Variants in CCDC27 observed in about 807,000 individuals in gnomAD.
CCDC27 encodes coiled-coil domain containing 27, also known as coiled-coil domain-containing protein 27.
Under a neutral mutation model 80.3 loss-of-function variants are expected in CCDC27, and 80 were observed. The observed-to-expected ratio is 1.00, with a 90% confidence interval of 0.83 to 1.20. CCDC27 has a LOEUF of 1.20. Ranked by LOEUF, CCDC27 falls within the 50% of genes most tolerant of loss-of-function variation. The pLI is 0.00. For synonymous variants in CCDC27, 342 were observed against 334.3 expected (o/e 1.02, Z -0.25); for missense variants, 815 against 809.4 (o/e 1.01, Z -0.08).
rs535724840 is a variant in CCDC27 at position 3,761,868 on chromosome 1, C to T, written c.861+438C>T. 5.3e-4 allele frequency among the ~76,000 whole-genome samples: 81 copies of T among 152,126 alleles called. No individual in the cohort carries two copies. In the Middle Eastern group the frequency reaches 0.017, roughly 32 times the overall value. ...CTGCAGGCGGATTCCCCGGGCCTGGCTCTGTGCATCATCTGCAGTGGTAGC... is the reference window on the plus strand; with the variant it reads ...CTGCAGGCGGATTCCCCGGGCCTGGTTCTGTGCATCATCTGCAGTGGTAGC... On this transcript the variant is annotated intron_variant, in intron 5 of 11. Coordinates refer to ENST00000294600, the MANE Select transcript of CCDC27 (RefSeq NM_152492.3). This position sits in a 1 kb window ranked among gnomAD's most constrained non-coding sequence, Gnocchi z 5.0.
At chr1:3,754,634 C>T (rs1018123047) in intron 2 of CCDC27, among the ~76,000 whole-genome samples, 5 of 152,196 alleles carry the variant, frequency 3.3e-5, no homozygotes, top group South Asian at 2.1e-4. Flanking sequence ...AGCAGCTATC[C>T]GGTCCAAACC....
intron 11 of CCDC27, among the ~76,000 whole-genome samples, chr1:3,770,193 C>T (rs902537352): frequency 6.6e-6 from 1 of 152,186 alleles, no homozygotes; most frequent in Non-Finnish European, 1.5e-5. Context: ...ACAAGCCGCT[C>T]AGGGCACGAA....
intron 11 of CCDC27, among the ~76,000 whole-genome samples, chr1:3,770,200 C>T (rs1392298737): frequency 1.3e-5 from 2 of 152,158 alleles, no homozygotes; most frequent in East Asian, 1.9e-4. Context: ...GCTCAGGGCA[C>T]GAAGATTCTC....
chr1:3,754,861 AG>A (rs1439918116), intron 2 of CCDC27, among the ~76,000 whole-genome samples: 1 of 120,886 alleles, frequency 8.3e-6, no homozygotes, highest in African/African-American at 3.1e-5. Context: ...GGGGTTGGGG[AG>A]GGGGTCCCGT....
intron 2 of CCDC27, 91 bp downstream of exon 2, chr1:3,754,332 A>C: frequency 4.9e-6 from 7 of 1,442,988 alleles, no homozygotes; most frequent in Non-Finnish European, 6.4e-6. Flanking sequence ...GCCTGCGAGC[A>C]GCCGCCAGAG....
At chr1:3,759,466 T>C (rs376366029) in intron 4 of CCDC27, among the ~76,000 whole-genome samples, 1 of 152,244 alleles carries the variant, frequency 6.6e-6, no homozygotes, top group South Asian at 2.1e-4. Flanking sequence ...TTTTTCCCCA[T>C]TGGTCTCATT....
At chr1:3,757,487 C>A (rs1387766644) in intron 4 of CCDC27, among the ~76,000 whole-genome samples, 1 of 151,738 alleles carries the variant, frequency 6.6e-6, no homozygotes, top group East Asian at 2.0e-4. Context: ...GTCACCCAGG[C>A]TGGAGTGTGG....
chr1:3,759,003 G>A (rs571482893), intron 4 of CCDC27, among the ~76,000 whole-genome samples: 1 of 151,874 alleles, frequency 6.6e-6, no homozygotes, highest in Admixed American at 6.6e-5. Context: ...GAGGTCAGGA[G>A]TTCAAGACCA....
chr1:3,765,801 T>A (rs1049341111), intron 8 of CCDC27, among the ~76,000 whole-genome samples: 3 of 152,212 alleles, frequency 2.0e-5, no homozygotes, highest in Admixed American at 2.0e-4. Flanking sequence ...GACCACTCTG[T>A]GCTCCCTGGC....
At position 3,763,493 on chromosome 1, in the gene CCDC27, G is replaced by T. The variant is rs201972236; in HGVS notation, c.1321+19G>T. 46 of 1,571,972 alleles carry T rather than the reference G, an allele frequency of 2.9e-5. No homozygotes were observed. Among genetic ancestry groups the T allele is most frequent in the Non-Finnish European group, 3.8e-5 (44 of 1,159,020 alleles). ...GCAACAGGTAGGGCCTCGGCGGGGG[G>T]CACTGGGCTTTGGCCACTCAGTGGT... On this transcript the variant is annotated intron_variant, in intron 7 of 11. Coordinates refer to ENST00000294600, the MANE Select transcript of CCDC27 (RefSeq NM_152492.3). The surrounding 1 kb of genome is among the most constrained non-coding windows in gnomAD (Gnocchi z 7.5).
intron 2 of CCDC27, among the ~76,000 whole-genome samples, chr1:3,754,613 T>C (rs1292717079): frequency 6.6e-6 from 1 of 152,146 alleles, no homozygotes; most frequent in Non-Finnish European, 1.5e-5. Flanking sequence ...ACAGTGCCCC[T>C]GGGGAGCCCT....
In CCDC27 at chr1:3,761,019, G is replaced by A. The variant is rs577306662; in HGVS notation, c.712-262G>A. Reference sequence around the variant, plus strand: ...GAAGCTGCCTTGCAACTCCTCGGACGAGGATTTAGGATCTGTTCTTAGGAT... The same window carrying A: ...GAAGCTGCCTTGCAACTCCTCGGACAAGGATTTAGGATCTGTTCTTAGGAT... On this transcript the variant is annotated intron_variant, in intron 4 of 11. Coordinates refer to ENST00000294600, the MANE Select transcript of CCDC27 (RefSeq NM_152492.3). This position sits in a 1 kb window ranked among gnomAD's most constrained non-coding sequence, Gnocchi z 5.0. Among the ~76,000 whole-genome samples, 3 of 152,312 alleles carry A rather than the reference G, an allele frequency of 2.0e-5. No individual in the cohort carries two copies. The highest frequency in any genetic ancestry group is 2.1e-4 in the South Asian group (1 of 4,830).
At chr1:3,762,914 A>T (rs959988834) in intron 6 of CCDC27, 194 bp from the exon 7 acceptor site, 72 of 796,110 alleles carry the variant, frequency 9.0e-5, no homozygotes, top group Non-Finnish European at 1.3e-4. Flanking sequence ...TGACAGAGGG[A>T]GGACCCGTGA....
In CCDC27 at chr1:3,752,736, G is replaced by A. The variant is rs752665201; in HGVS notation, c.255G>A (p.Pro85=). ...SRDARCPEWK[P]HQKPRTLSKS... is the part of the protein sequence containing the mutation. ...ACGCCCGGTGCCCAGAATGGAAACC[G>A]CACCAAAAGCCACGCACGCTCAGCA... Residue 85 remains proline, a synonymous_variant, in exon 1 of 12, where the codon CCG becomes CCA. Coordinates refer to ENST00000294600, the MANE Select transcript of CCDC27 (RefSeq NM_152492.3). 1.9e-5 allele frequency: 31 copies of A among 1,613,672 alleles called. No homozygotes were observed. The Admixed American group carries it at 2.2e-4, about 11-fold the overall frequency.
At position 3,756,850 on chromosome 1, in the gene CCDC27, G is replaced by A; in HGVS notation, c.671G>A (p.Arg224Lys). ...TCAGTCGCATCTCAGAGCTGCCTGA[G>A]AAAGAGGATGCCCTGGTACCTCTCA... Reference protein sequence around the residue: ...SSSVASQSCLRKRMPWYLSVI... With the variant: ...SSSVASQSCLKKRMPWYLSVI... Residue 224 changes from arginine (R) to lysine (K), a missense_variant, in exon 4 of 12, where the codon AGA (arginine) becomes AAA (lysine). Arg to Lys is a conservative substitution (Grantham distance 26). Coordinates refer to ENST00000294600, the MANE Select transcript of CCDC27 (RefSeq NM_152492.3). 6 of 1,613,838 alleles carry A rather than the reference G, an allele frequency of 3.7e-6. No individual in the cohort carries two copies. The highest frequency in any genetic ancestry group is 5.1e-6 in the Non-Finnish European group (6 of 1,180,012).
At chr1:3,755,110 G>A (rs1642919306) in intron 2 of CCDC27, among the ~76,000 whole-genome samples, 1 of 152,242 alleles carries the variant, frequency 6.6e-6, no homozygotes. Flanking sequence ...TGGTTTAGGG[G>A]AAACAGGGTC....
intron 4 of CCDC27, 37 bp downstream of exon 4, chr1:3,756,927 C>G (rs779577431): frequency 6.3e-7 from 1 of 1,592,328 alleles, no homozygotes; most frequent in Non-Finnish European, 8.6e-7. Context: ...GGCCCCCCAC[C>G]CCTCTCTCTG....
At position 3,761,701 on chromosome 1, in the gene CCDC27, T is replaced by G. The variant is rs551527689; in HGVS notation, c.861+271T>G. 9.9e-5 allele frequency among the ~76,000 whole-genome samples: 15 copies of G among 152,170 alleles called. No homozygotes were observed. Among genetic ancestry groups the G allele is most frequent in the African/African-American group, 2.9e-4 (12 of 41,508 alleles). On this transcript the variant is annotated intron_variant, in intron 5 of 11. Transcript: ENST00000294600. The surrounding 1 kb of genome is among the most constrained non-coding windows in gnomAD (Gnocchi z 5.0). ...GGCGCAAAATGACAAATGAGAGCCGTGAGCCGATGTCTAGGCACCTGCACC... is the reference window on the plus strand; with the variant it reads ...GGCGCAAAATGACAAATGAGAGCCGGGAGCCGATGTCTAGGCACCTGCACC...
Position 3,768,307 on chromosome 1 carries a change from G to A in CCDC27, c.1743+862G>A, listed in dbSNP as rs763974047. ...AGAGACGGTCTCACTATGCTGTCCA[G>A]GCTGGTCTTGAACTCCTGGGCTCCA... On this transcript the variant is annotated intron_variant, in intron 10 of 11. Transcript: ENST00000294600. This position sits in a 1 kb window ranked among gnomAD's most constrained non-coding sequence, Gnocchi z 5.6. Among the ~76,000 whole-genome samples, 6 of 152,156 alleles carry A rather than the reference G, an allele frequency of 3.9e-5. No homozygotes were observed. The highest frequency in any genetic ancestry group is 8.8e-5 in the Non-Finnish European group (6 of 67,992).
Sources: allele counts gnomAD v4.1 joint callset (sites outside exome capture counted in the v4.1 genomes callset), GRCh38; gene constraint gnomAD v4.1.1; non-coding constraint Gnocchi (gnomAD v3.1); transcripts MANE v1.5; gene names NCBI Gene and HGNC (gene_info 2026-07-23, HGNC 2026-07-21).